The following MCF2L variants were observed in gnomAD, a reference collection of about 807,000 sequenced individuals.
MCF2L encodes the protein MCF.2 cell line derived transforming sequence like, also known as guanine nucleotide exchange factor DBS.
MCF2L carries 97 observed loss-of-function variants against 153.4 expected under a neutral mutation model. The observed-to-expected ratio is 0.63, with a 90% confidence interval of 0.54 to 0.75. The LOEUF (loss-of-function observed/expected upper bound fraction) is 0.75, where lower values mean the gene tolerates loss of function less well. Ranked by LOEUF, MCF2L falls within the 30% of genes least tolerant of loss-of-function variation. The pLI, the probability that MCF2L is intolerant of heterozygous loss-of-function variation, is 0.00. For synonymous variants in MCF2L, 659 were observed against 632.2 expected (o/e 1.04, Z -0.64); for missense variants, 1,347 against 1,495.2 (o/e 0.90, Z 1.64).
At chr13:113,041,544 C>G (rs1234258493) in intron 3 of MCF2L, among the ~76,000 whole-genome samples, 1 of 151,820 alleles carries the variant, frequency 6.6e-6, no homozygotes, top group Non-Finnish European at 1.5e-5. Context: ...CGTGGCCCTG[C>G]CCCCATGACC....
chr13:113,056,113 T>C (rs1003829491), intron 4 of MCF2L, among the ~76,000 whole-genome samples: 6 of 152,216 alleles, frequency 3.9e-5, no homozygotes, highest in African/African-American at 1.4e-4. Flanking sequence ...AGGTGTGCAG[T>C]GTCCACCCAG....
chr13:113,085,733 G>A (rs1407096814), intron 20 of MCF2L, among the ~76,000 whole-genome samples: 2 of 101,498 alleles, frequency 2.0e-5, no homozygotes, highest in Admixed American at 1.8e-4. Flanking sequence ...GGAGCTCCCC[G>A]GGGAGCAGGT....
intron 3 of MCF2L, among the ~76,000 whole-genome samples, chr13:113,041,923 C>T (rs765005311): frequency 2.6e-5 from 4 of 152,162 alleles, no homozygotes; most frequent in East Asian, 1.9e-4. Flanking sequence ...TTCCCCTGTC[C>T]GTGCTCACAG....
intron 1 of MCF2L, among the ~76,000 whole-genome samples, chr13:112,997,012 CGGG>C (rs1566707537): frequency 6.6e-6 from 1 of 152,244 alleles, no homozygotes; most frequent in African/African-American, 2.4e-5. Flanking sequence ...TGGGCCTAGG[CGGG>C]TGCTGCTGCC....
chr13:112,931,222 G>A (rs1368908435), intron 2 of MCF2L, among the ~76,000 whole-genome samples: 1 of 152,214 alleles, frequency 6.6e-6, no homozygotes, highest in East Asian at 1.9e-4. Context: ...GCATGAAACC[G>A]CCTCACGGAA....
intron 1 of MCF2L, among the ~76,000 whole-genome samples, chr13:112,894,938 T>C (rs1408852692): frequency 9.8e-6 from 1 of 102,164 alleles, no homozygotes; most frequent in Non-Finnish European, 2.3e-5. Flanking sequence ...ACCTGGTGGC[T>C]GGGGACAGTG....
chr13:113,086,412 C>T (rs1395835297), intron 21 of MCF2L, among the ~76,000 whole-genome samples, 163 bp downstream of exon 21: 2 of 152,152 alleles, frequency 1.3e-5, no homozygotes, highest in East Asian at 1.9e-4. Context: ...CCAGGCCCCA[C>T]AGCCGGGTCC....
chr13:113,074,976 T>G lies in MCF2L; in HGVS notation c.1117-22T>G. On this transcript the variant is annotated intron_variant, in intron 10 of 29. Coordinates refer to ENST00000535094, the MANE Select transcript of MCF2L (RefSeq NM_001112732.3). This position sits in a 1 kb window ranked among gnomAD's most constrained non-coding sequence, Gnocchi z 4.2. The stretch of plus-strand genomic sequence containing the variant: ...TCGAACAGAAAGAGGCCTGAGCTGG[T>G]CCTCTGGGTGGCCGTCCACAGGTGG... 1 of 1,583,550 alleles carries G rather than the reference T, an allele frequency of 6.3e-7. No individual in the cohort carries two copies. Among genetic ancestry groups the G allele is most frequent in the Non-Finnish European group, 8.6e-7 (1 of 1,159,622 alleles).
chr13:112,973,585 G>A (rs1473145739), intron 1 of MCF2L, among the ~76,000 whole-genome samples: 5 of 152,188 alleles, frequency 3.3e-5, no homozygotes, highest in African/African-American at 7.2e-5. Context: ...GAGCTCCTGA[G>A]AACGCAGCGC....
At chr13:113,078,265 G>C (rs1389980720) in intron 13 of MCF2L, 98 bp from the exon 14 acceptor site, 1 of 993,870 alleles carries the variant, frequency 1.0e-6, no homozygotes, top group African/African-American at 1.6e-5. Flanking sequence ...CAGAGGCCGA[G>C]TCCTACCCTC....
rs28755980 is a variant in MCF2L at position 113,015,466 on chromosome 13, G to A, written c.163+620G>A. On this transcript the variant is annotated intron_variant, in intron 2 of 29. Coordinates refer to ENST00000535094, the MANE Select transcript of MCF2L (RefSeq NM_001112732.3). ...GCCCCGATGCTGAGGAGGGTGCCCC[G>A]ATGCCGAGGAGGGTGCCCCGATGCT... Among the ~76,000 whole-genome samples the A allele has an allele frequency of 9.0e-3, 1,366 of 152,100 alleles. 16 individuals are homozygous for A. Among genetic ancestry groups the A allele is most frequent in the Non-Finnish European group, 0.013 (915 of 67,946 alleles).
intron 1 of MCF2L, among the ~76,000 whole-genome samples, chr13:112,995,740 G>A (rs1382600017): frequency 6.6e-6 from 1 of 152,156 alleles, no homozygotes; most frequent in African/African-American, 2.4e-5. Context: ...GGAATGAGTG[G>A]GAGAGCAGTG....
At chr13:112,918,640 G>A (rs2081321365) in intron 2 of MCF2L, among the ~76,000 whole-genome samples, 1 of 152,184 alleles carries the variant, frequency 6.6e-6, no homozygotes, top group African/African-American at 2.4e-5. Context: ...GATGAACAGG[G>A]GCAGAGCTGG....
At position 113,096,794 on chromosome 13, in the gene MCF2L, G is replaced by T. The variant is rs753557998; in HGVS notation, c.3313G>T (p.Val1105Leu). Residue 1105 changes from valine to leucine, a missense_variant, in exon 30 of 30, where the codon GTG (valine) becomes TTG (leucine). Around this residue, in one of 3 missense-constraint regions of MCF2L, gnomAD observed 383 missense variants for 335.4 expected, o/e 1.14. Transcript: ENST00000535094. ...SSSESSPGSA[V>L]LSNSSSCSEG... ...CGCAGAGTCGAGCCCGGGGTCGGCCGTGCTGAGCAACTCGTCCAGCTGCAG... is the reference window on the plus strand; with the variant it reads ...CGCAGAGTCGAGCCCGGGGTCGGCCTTGCTGAGCAACTCGTCCAGCTGCAG... 16 of 1,561,942 alleles carry T rather than the reference G, an allele frequency of 1.0e-5. No homozygotes were observed. In the South Asian group the frequency reaches 1.7e-4, roughly 17 times the overall value.
rs918401479 is a variant in MCF2L at position 113,027,855 on chromosome 13, G to A, written c.278+3097G>A. Among the ~76,000 whole-genome samples the A allele has an allele frequency of 3.3e-5, 5 of 152,346 alleles. No homozygotes were observed. Among genetic ancestry groups the A allele is most frequent in the East Asian group, 1.9e-4 (1 of 5,184 alleles). On this transcript the variant is annotated intron_variant, in intron 3 of 29. Transcript: ENST00000535094. The surrounding 1 kb of genome is among the most constrained non-coding windows in gnomAD (Gnocchi z 4.8). ...GGCTCAGACCACATGGCCGTACCCC[G>A]AGGACGTAGGCTCCAGGTGTGCTGT...
Position 113,065,214 on chromosome 13 carries a change from C to T in MCF2L, c.756+129C>T, listed in dbSNP as rs1036364606. On this transcript the variant is annotated intron_variant, in intron 7 of 29. Transcript: ENST00000535094. ...GAGTTTGTGTCAGCAGCACGTAAGA[C>T]CAAGAAGTCAGCAGGCTTGAGATGC... is the stretch of plus-strand genomic sequence containing the variant. The T allele has an allele frequency of 2.0e-5, 23 of 1,133,326 alleles. No individual in the cohort carries two copies. The East Asian group carries it at 5.0e-4, about 25-fold the overall frequency. 70.2% of individuals were successfully genotyped at this position (1,133,326 alleles called of 1,614,324 possible).
intron 1 of MCF2L, chr13:113,001,645 G>T (rs1050609240): frequency 9.3e-6 from 12 of 1,295,120 alleles, no homozygotes; most frequent in Non-Finnish European, 1.2e-5. Flanking sequence ...CCGGGGCTCA[G>T]CTGTCGCCAG....
At chr13:112,933,154 T>C (rs1425686269) in intron 2 of MCF2L, among the ~76,000 whole-genome samples, 1 of 152,216 alleles carries the variant, frequency 6.6e-6, no homozygotes, top group Non-Finnish European at 1.5e-5. Context: ...ACCCACAGCC[T>C]CCTGGAGGTC....
intron 2 of MCF2L, among the ~76,000 whole-genome samples, chr13:112,963,147 C>T (rs1294220871): frequency 1.3e-5 from 2 of 152,188 alleles, no homozygotes; most frequent in African/African-American, 2.4e-5. Flanking sequence ...CACAGACGTC[C>T]CCTCTGAAAG....
Sources: gnomAD v4.1 joint callset for allele counts (sites outside exome capture counted in the v4.1 genomes callset) on GRCh38, gnomAD v4.1.1 for gene constraint, gnomAD v4.1.1 regional missense constraint, Gnocchi (gnomAD v3.1) non-coding constraint, MANE v1.5 for transcripts, NCBI Gene and HGNC (gene_info 2026-07-23, HGNC 2026-07-21) for gene names.